Variants in INPP5A observed in about 807,000 individuals in gnomAD.
The protein encoded by INPP5A is 43 kDa inositol polyphosphate 5-phophatase.
Under a neutral mutation model 65.2 loss-of-function variants are expected in INPP5A, and 14 were observed. That is an observed-to-expected ratio of 0.21 (90% CI 0.14 to 0.34). The LOEUF (loss-of-function observed/expected upper bound fraction) is 0.34, where lower values mean the gene tolerates loss of function less well. Ranked by LOEUF, INPP5A falls within the 10% of genes least tolerant of loss-of-function variation. The probability of loss-of-function intolerance (pLI) is 1.00; values close to 1 mark genes in which losing one functional copy is unlikely to be tolerated. For missense variants in INPP5A, 431 were observed against 545.6 expected, an observed-to-expected ratio of 0.79 and a Z score of 2.09; for synonymous variants, 207 against 208.3, an observed-to-expected ratio of 0.99 and a Z score of 0.05.
At chr10:132,582,415 C>CTTTT (rs34719567) in intron 1 of INPP5A, among the ~76,000 whole-genome samples, 2 of 132,854 alleles carry the variant, frequency 1.5e-5, no homozygotes, top group East Asian at 2.2e-4. Context: ...TTGTTGATAA[C>CTTTT]TTTTTTTTTT....
intron 13 of INPP5A, 91 bp downstream of exon 13, chr10:132,777,873 G>A (rs562977550): frequency 6.4e-7 from 1 of 1,551,416 alleles, no homozygotes; most frequent in Admixed American, 1.9e-5. Flanking sequence ...CCCCAGGGGT[G>A]GGGGCACCCA....
At chr10:132,760,039 C>T (rs2134664041) in intron 11 of INPP5A, among the ~76,000 whole-genome samples, 1 of 152,332 alleles carries the variant, frequency 6.6e-6, no homozygotes, top group East Asian at 1.9e-4. Context: ...GATGACCCAC[C>T]CTGGGCGATA....
At chr10:132,774,649 T>C (rs1157281177) in intron 12 of INPP5A, among the ~76,000 whole-genome samples, 1 of 152,054 alleles carries the variant, frequency 6.6e-6, no homozygotes, top group Non-Finnish European at 1.5e-5. Flanking sequence ...GCTTGTTGTC[T>C]GCTTCTCGGG....
intron 11 of INPP5A, among the ~76,000 whole-genome samples, chr10:132,764,851 C>T (rs1379240101): frequency 2.9e-5 from 4 of 138,580 alleles, no homozygotes; most frequent in South Asian, 2.4e-4. Context: ...GAAACACGGC[C>T]GGGTCAGTCC....
intron 9 of INPP5A, 25 bp from the exon 10 acceptor site, chr10:132,749,492 T>TA (rs1415148984): frequency 1.2e-6 from 2 of 1,609,930 alleles, no homozygotes; most frequent in East Asian, 4.5e-5. Context: ...CCCTGGGACT[T>TA]ATCTCCGTTG....
intron 11 of INPP5A, among the ~76,000 whole-genome samples, chr10:132,759,872 C>T (rs746372874): frequency 3.9e-5 from 6 of 152,338 alleles, no homozygotes; most frequent in Non-Finnish European, 7.4e-5. Context: ...TTCTTGTTCA[C>T]GTGCCCCTTG....
intron 8 of INPP5A, among the ~76,000 whole-genome samples, chr10:132,715,904 C>T (rs527800897): frequency 4.6e-5 from 7 of 152,308 alleles, no homozygotes; most frequent in Non-Finnish European, 7.4e-5. Context: ...GGTGTCCCTC[C>T]GCATGCCCGG....
At chr10:132,760,714 C>T (rs1472762246) in intron 11 of INPP5A, among the ~76,000 whole-genome samples, 4 of 152,236 alleles carry the variant, frequency 2.6e-5, no homozygotes, top group East Asian at 1.9e-4. Flanking sequence ...ACGCCCGGGC[C>T]CCTCTCTCCC....
intron 1 of INPP5A, among the ~76,000 whole-genome samples, chr10:132,567,249 A>C (rs1304596141): frequency 6.6e-6 from 1 of 152,238 alleles, no homozygotes. Context: ...GCAGGAAGGA[A>C]GCACGCAAAA....
Position 132,780,935 on chromosome 10 carries a change from C to T in INPP5A, c.1158+18C>T. 1 of 1,602,282 alleles carries T rather than the reference C, an allele frequency of 6.2e-7. No homozygotes were observed. Among genetic ancestry groups the T allele is most frequent in the Non-Finnish European group, 8.5e-7 (1 of 1,172,148 alleles). On this transcript the variant is annotated intron_variant, in intron 14 of 15. Coordinates refer to ENST00000368594, the MANE Select transcript of INPP5A (RefSeq NM_005539.5). ...ACCACAAGGTGACATAGACTGAGGTCCAGGGGCCAGGCTGGGGGACCAAGG... is the reference window on the plus strand; with the variant it reads ...ACCACAAGGTGACATAGACTGAGGTTCAGGGGCCAGGCTGGGGGACCAAGG...
At chr10:132,770,275 C>T (rs1459320445) in intron 12 of INPP5A, among the ~76,000 whole-genome samples, 2 of 152,230 alleles carry the variant, frequency 1.3e-5, no homozygotes, top group African/African-American at 2.4e-5. Context: ...GAGAGCCGAA[C>T]GCTCCCAAGT....
chr10:132,627,090 C>T lies in INPP5A; in HGVS notation c.118-18778C>T, dbSNP rs1217710618. On this transcript the variant is annotated intron_variant, in intron 2 of 15. Transcript: ENST00000368594. The surrounding 1 kb of genome is among the most constrained non-coding windows in gnomAD (Gnocchi z 6.6). ...ATGGGTGCCCTTACAAGAAGGGACA[C>T]GGGATCAGGCTCTCTCCACAGGGCG... 1.3e-5 allele frequency among the ~76,000 whole-genome samples: 2 copies of T among 151,974 alleles called. No homozygotes were observed. The highest frequency in any genetic ancestry group is 4.8e-5 in the African/African-American group (2 of 41,286).
chr10:132,540,015 A>G (rs2070889163), intron 1 of INPP5A, among the ~76,000 whole-genome samples: 1 of 152,218 alleles, frequency 6.6e-6, no homozygotes, highest in South Asian at 2.1e-4. Context: ...TTTCTACAAA[A>G]GTGCCTGGCA....
At chr10:132,758,915 C>T (rs1474650103) in intron 11 of INPP5A, among the ~76,000 whole-genome samples, 2 of 152,204 alleles carry the variant, frequency 1.3e-5, no homozygotes, top group Admixed American at 6.5e-5. Flanking sequence ...TTCAGACCCG[C>T]GTTCCTCCTG....
rs138633934 is a variant in INPP5A, at chr10:132,603,622, G to A, written c.76-4293G>A. Among the ~76,000 whole-genome samples, 12 of 152,356 alleles carry A rather than the reference G, an allele frequency of 7.9e-5. No homozygotes were observed. Among genetic ancestry groups the A allele is most frequent in the African/African-American group, 1.2e-4 (5 of 41,570 alleles). Reference sequence around the variant, plus strand: ...GAAAACTTTTCTAAACTTGAAGAATGTAGCGTTTAAGAATACATTTTAATT... The same window carrying A: ...GAAAACTTTTCTAAACTTGAAGAATATAGCGTTTAAGAATACATTTTAATT... On this transcript the variant is annotated intron_variant, in intron 1 of 15. Coordinates refer to ENST00000368594, the MANE Select transcript of INPP5A (RefSeq NM_005539.5). This position sits in a 1 kb window ranked among gnomAD's most constrained non-coding sequence, Gnocchi z 4.2.
Position 132,637,426 on chromosome 10 carries a change from G to A in INPP5A, c.118-8442G>A, listed in dbSNP as rs1024905292. Among the ~76,000 whole-genome samples, 1 of 150,844 alleles carries A rather than the reference G, an allele frequency of 6.6e-6. No individual in the cohort carries two copies. Among genetic ancestry groups the A allele is most frequent in the Non-Finnish European group, 1.5e-5 (1 of 67,492 alleles). On this transcript the variant is annotated intron_variant, in intron 2 of 15. Transcript: ENST00000368594. The surrounding 1 kb of genome is among the most constrained non-coding windows in gnomAD (Gnocchi z 4.1). The stretch of plus-strand genomic sequence containing the variant: ...AGTGTGTAAGTGCGGGTCTTTTTCT[G>A]TTTTGAAGTTTTCCTGGGTTATAGT...
At chr10:132,733,274 A>G (rs1248505398) in intron 9 of INPP5A, among the ~76,000 whole-genome samples, 1 of 152,224 alleles carries the variant, frequency 6.6e-6, no homozygotes, top group Non-Finnish European at 1.5e-5. Flanking sequence ...CTGGGTGAAC[A>G]TGAATCTGGG....
At chr10:132,781,388 T>A (rs951377234) in intron 14 of INPP5A, among the ~76,000 whole-genome samples, 2 of 151,830 alleles carry the variant, frequency 1.3e-5, no homozygotes, top group African/African-American at 2.4e-5. Context: ...ACCTCGAGAG[T>A]GTGCACAGGA....
rs751036104 is a variant in INPP5A, at chr10:132,547,376, C to T, written c.75+9205C>T. On this transcript the variant is annotated intron_variant, in intron 1 of 15. Transcript: ENST00000368594. The surrounding 1 kb of genome is among the most constrained non-coding windows in gnomAD (Gnocchi z 5.5). ...CCTGGCGTCAGGTGTTCTCGGCGGC[C>T]TCTCGGTAACAGCCTGGCCTTTGCT... 1.5e-4 allele frequency among the ~76,000 whole-genome samples: 23 copies of T among 152,314 alleles called. No individual in the cohort carries two copies. Among genetic ancestry groups the T allele is most frequent in the Non-Finnish European group, 2.8e-4 (19 of 68,024 alleles).
Sources: allele counts gnomAD v4.1 joint callset (sites outside exome capture counted in the v4.1 genomes callset), GRCh38; gene constraint gnomAD v4.1.1; non-coding constraint Gnocchi (gnomAD v3.1); transcripts MANE v1.5; gene names NCBI Gene and HGNC (gene_info 2026-07-23, HGNC 2026-07-21).